The following GRM3 variants were observed in gnomAD, a reference collection of about 807,000 sequenced individuals.
The protein encoded by GRM3 is metabotropic glutamate receptor 3.
In GRM3, 26 loss-of-function variants were observed where a neutral mutation model predicts 70.5. The ratio of observed to expected loss-of-function variants is 0.37; its 90% CI spans 0.27 to 0.51. GRM3 has a LOEUF of 0.51. GRM3 is among the 20% of genes least tolerant of loss of function. The pLI is 0.93. For synonymous variants in GRM3, 443 were observed against 434.9 expected, an observed-to-expected ratio of 1.02 and a Z score of -0.23; for missense variants, 859 against 1,123.8, an observed-to-expected ratio of 0.76 and a Z score of 3.37.
At chr7:86,807,902 A>G (rs1797829010) in intron 3 of GRM3, among the ~76,000 whole-genome samples, 1 of 152,138 alleles carries the variant, frequency 6.6e-6, no homozygotes, top group Non-Finnish European at 1.5e-5. Context: ...AGCTCTTATT[A>G]TTTTGAGATA....
intron 1 of GRM3, among the ~76,000 whole-genome samples, chr7:86,671,609 G>C (rs1302294713): frequency 6.6e-6 from 1 of 152,092 alleles, no homozygotes; most frequent in African/African-American, 2.4e-5. Flanking sequence ...AGAAAACTTA[G>C]GATGTGTCAA....
At chr7:86,766,027 G>C (rs1185150378) in intron 2 of GRM3, among the ~76,000 whole-genome samples, 2 of 152,114 alleles carry the variant, frequency 1.3e-5, no homozygotes, top group East Asian at 3.9e-4. Flanking sequence ...AGAGGTGCAA[G>C]AGAATGCAAA....
intron 1 of GRM3, among the ~76,000 whole-genome samples, chr7:86,701,107 CTTTT>C (rs927100210): frequency 6.6e-6 from 1 of 151,684 alleles, no homozygotes; most frequent in Non-Finnish European, 1.5e-5. Flanking sequence ...TCCATTAGTA[CTTTT>C]TTTTAATAAC....
intron 1 of GRM3, among the ~76,000 whole-genome samples, chr7:86,741,005 C>G (rs1795978201): frequency 6.6e-6 from 1 of 152,150 alleles, no homozygotes; most frequent in Non-Finnish European, 1.5e-5. Context: ...GTACATAGAC[C>G]TTGGCAGTCA....
At position 86,644,555 on chromosome 7, in the gene GRM3, C is replaced by A; in HGVS notation, c.-458C>A. The stretch of plus-strand genomic sequence containing the variant: ...CCCCTCTTTCCCCAACCTCCTCCCT[C>A]TCTTCTACTCCACCCCTCCGTTTTC... On this transcript the variant is annotated 5_prime_UTR_variant, in exon 1 of 6. Transcript: ENST00000361669. The A allele has an allele frequency of 2.6e-6, 1 of 385,048 alleles. No individual in the cohort carries two copies. Among genetic ancestry groups the A allele is most frequent in the Non-Finnish European group, 5.2e-6 (1 of 192,730 alleles). 23.9% of individuals were successfully genotyped at this position (385,048 alleles called of 1,614,324 possible).
intron 1 of GRM3, among the ~76,000 whole-genome samples, chr7:86,715,314 A>G (rs1795289465): frequency 6.6e-6 from 1 of 152,054 alleles, no homozygotes; most frequent in Non-Finnish European, 1.5e-5. Flanking sequence ...AGAATAGTGC[A>G]AAGATGGACT....
intron 1 of GRM3, among the ~76,000 whole-genome samples, chr7:86,747,409 A>G (rs1796127424): frequency 6.6e-6 from 1 of 152,104 alleles, no homozygotes; most frequent in South Asian, 2.1e-4. Flanking sequence ...TATTTTCTAT[A>G]AGCTCATTTT....
intron 1 of GRM3, among the ~76,000 whole-genome samples, chr7:86,677,866 G>A (rs1223826619): frequency 2.6e-5 from 4 of 151,856 alleles, no homozygotes; most frequent in Non-Finnish European, 4.4e-5. Flanking sequence ...TATCGGAGCT[G>A]GTTAAAGAAC....
intron 3 of GRM3, among the ~76,000 whole-genome samples, chr7:86,814,227 T>C (rs1159019397): frequency 1.3e-5 from 2 of 151,826 alleles, no homozygotes; most frequent in African/African-American, 4.8e-5. Context: ...TTCAAGCTAT[T>C]CTTTTTTCTT....
At chr7:86,685,733 C>T (rs1176816875) in intron 1 of GRM3, among the ~76,000 whole-genome samples, 2 of 151,920 alleles carry the variant, frequency 1.3e-5, no homozygotes, top group Non-Finnish European at 2.9e-5. Flanking sequence ...GGTGAAACCC[C>T]TTCTCTACTA....
At chr7:86,682,943 A>G (rs1484643864) in intron 1 of GRM3, among the ~76,000 whole-genome samples, 1 of 152,204 alleles carries the variant, frequency 6.6e-6, no homozygotes, top group Non-Finnish European at 1.5e-5. Context: ...GTCCATAGTT[A>G]CCATGCTGAG....
intron 2 of GRM3, among the ~76,000 whole-genome samples, chr7:86,774,071 A>C (rs529677694): frequency 3.7e-4 from 57 of 152,272 alleles, no homozygotes; most frequent in South Asian, 1.4e-3. Context: ...AGGTAAATGA[A>C]TTGAAATAGG....
At chr7:86,775,619 C>T (rs1274262757) in intron 2 of GRM3, among the ~76,000 whole-genome samples, 1 of 152,042 alleles carries the variant, frequency 6.6e-6, no homozygotes, top group African/African-American at 2.4e-5. Flanking sequence ...GTTCAAAATA[C>T]TTATAATTGT....
intron 1 of GRM3, among the ~76,000 whole-genome samples, chr7:86,658,412 A>G (rs906463251): frequency 6.6e-6 from 1 of 152,126 alleles, no homozygotes; most frequent in African/African-American, 2.4e-5. Context: ...GCCTTCCCAC[A>G]GGCTGTGAAA....
At chr7:86,686,506 A>G (rs1452737960) in intron 1 of GRM3, among the ~76,000 whole-genome samples, 4 of 152,222 alleles carry the variant, frequency 2.6e-5, no homozygotes, top group Non-Finnish European at 5.9e-5. Flanking sequence ...ACAGTTTAGT[A>G]TTTGAGTGCC....
intron 2 of GRM3, among the ~76,000 whole-genome samples, chr7:86,782,667 A>G (rs1475545938): frequency 2.0e-5 from 3 of 152,240 alleles, no homozygotes; most frequent in Non-Finnish European, 4.4e-5. Flanking sequence ...CCCAACATAC[A>G]TACAGACAGC....
chr7:86,766,256 T>C (rs1796598284), intron 2 of GRM3, among the ~76,000 whole-genome samples: 2 of 152,190 alleles, frequency 1.3e-5, no homozygotes, highest in East Asian at 3.9e-4. Context: ...CATAATGTCA[T>C]GGAACTCCAT....
At chr7:86,673,394 A>G (rs974186902) in intron 1 of GRM3, among the ~76,000 whole-genome samples, 1 of 151,926 alleles carries the variant, frequency 6.6e-6, no homozygotes, top group Non-Finnish European at 1.5e-5. Flanking sequence ...TCACCAGAAC[A>G]CCCATTCTTT....
intron 3 of GRM3, among the ~76,000 whole-genome samples, chr7:86,811,288 A>AT (rs902213216): frequency 1.1e-4 from 16 of 150,752 alleles, no homozygotes; most frequent in South Asian, 8.4e-4. Context: ...TTCTTTTCAC[A>AT]TTTTTTTTTC....
Sources: gnomAD v4.1 joint callset for allele counts (sites outside exome capture counted in the v4.1 genomes callset) on GRCh38, gnomAD v4.1.1 for gene constraint, MANE v1.5 for transcripts, NCBI Gene and HGNC (gene_info 2026-07-23, HGNC 2026-07-21) for gene names.